SLC25A46: variants seen among roughly 807,000 people sequenced by gnomAD.
The protein encoded by SLC25A46 is mitochondrial outer membrane protein SLC25A46.
A neutral mutation model predicts 44.6 loss-of-function variants in SLC25A46; 39 were observed. The ratio of observed to expected loss-of-function variants is 0.87; its 90% CI spans 0.68 to 1.14. The LOEUF (loss-of-function observed/expected upper bound fraction) is 1.14. SLC25A46 is among the 50% of genes most tolerant of loss of function. The probability of loss-of-function intolerance (pLI) is 0.00; values close to 1 mark genes in which losing one functional copy is unlikely to be tolerated. For missense variants in SLC25A46, 547 were observed against 522.7 expected (o/e 1.05, Z -0.45); for synonymous variants, 202 against 185.8 (o/e 1.09, Z -0.71).
intron 4 of SLC25A46, among the ~76,000 whole-genome samples, chr5:110,746,588 C>A (rs550560011): frequency 1.3e-5 from 2 of 152,208 alleles, no homozygotes; most frequent in South Asian, 4.1e-4. Context: ...TATCAAGAGG[C>A]TCATATTTAT....
chr5:110,739,108 G>T lies in SLC25A46; in HGVS notation c.-12G>T. On this transcript the variant is annotated 5_prime_UTR_variant, in exon 1 of 8. Coordinates refer to ENST00000355943, the MANE Select transcript of SLC25A46 (RefSeq NM_138773.4). ...GCTCCGGGCGGGCTCGCGTCATCCT[G>T]CCCCCGCTGCGATGCATCCGCGGCG... 6.5e-7 allele frequency: 1 copy of T among 1,544,762 alleles called. No individual in the cohort carries two copies.
At chr5:110,757,510 G>A (rs562697158) in intron 7 of SLC25A46, among the ~76,000 whole-genome samples, 4 of 151,868 alleles carry the variant, frequency 2.6e-5, no homozygotes, top group African/African-American at 7.3e-5. Context: ...GTAAAAACTC[G>A]CACTGGATCA....
chr5:110,745,225 C>A lies in SLC25A46; in HGVS notation c.385-1044C>A, dbSNP rs564925729. Among the ~76,000 whole-genome samples the A allele has an allele frequency of 3.9e-5, 6 of 152,150 alleles. No individual in the cohort carries two copies. In the South Asian group the frequency reaches 1.2e-3, roughly 32 times the overall value. ...ATGGGGCCCTCAGGAGTCAGTGGAC[C>A]CCACTTGCAAACTCTGTTATAACCC... On this transcript the variant is annotated intron_variant, in intron 3 of 7. Coordinates refer to ENST00000355943, the MANE Select transcript of SLC25A46 (RefSeq NM_138773.4).
At chr5:110,755,262 G>T in intron 5 of SLC25A46, 1 of 397,828 alleles carries the variant, frequency 2.5e-6, no homozygotes. Context: ...CAGCACGTAT[G>T]AAAACACCTT....
chr5:110,753,473 C>G (rs1410429552), intron 5 of SLC25A46: 3 of 151,588 alleles, frequency 2.0e-5, no homozygotes, highest in Non-Finnish European at 4.4e-5. Flanking sequence ...AAGCAAGGTA[C>G]TCGAATAAAT....
At chr5:110,741,270 A>G (rs1218033175) in intron 1 of SLC25A46, among the ~76,000 whole-genome samples, 1 of 152,262 alleles carries the variant, frequency 6.6e-6, no homozygotes, top group African/African-American at 2.4e-5. Context: ...ACATATGCAT[A>G]GGAATGTTCC....
At position 110,739,343 on chromosome 5, in the gene SLC25A46, G is replaced by A. The variant is rs1022875973; in HGVS notation, c.224G>A (p.Gly75Asp). 1 of 1,563,402 alleles carries A rather than the reference G, an allele frequency of 6.4e-7. No individual in the cohort carries two copies. Among genetic ancestry groups the A allele is most frequent in the Non-Finnish European group, 8.7e-7 (1 of 1,155,256 alleles). The change falls in exon 1 of 8, where the codon GGC (glycine) becomes GAC (aspartate). Residue 75 changes from glycine (G) to aspartate (D), a missense_variant. Transcript: ENST00000355943. ...CCCACCACCTCCACCCCGTACGAAG[G>A]CCCCACGGAGGAACCCTTTTCCAGT... ...GVPTTSTPYE[G>D]PTEEPFSSGG...
intron 1 of SLC25A46, chr5:110,741,783 C>G (rs1799696526): frequency 3.2e-6 from 1 of 310,504 alleles, no homozygotes; most frequent in Non-Finnish European, 5.9e-6. Flanking sequence ...TGGGCCCACA[C>G]TCTAATGTGG....
At chr5:110,738,471 C>A (rs1298283472), upstream of SLC25A46, among the ~76,000 whole-genome samples, 1 of 152,114 alleles carries the variant, frequency 6.6e-6, no homozygotes, top group Non-Finnish European at 1.5e-5. Context: ...CCCCGACGTG[C>A]ACTTCAACTT....
chr5:110,756,671 T>C, intron 6 of SLC25A46, 31 bp from the exon 7 acceptor site: 1 of 1,473,852 alleles, frequency 6.8e-7, no homozygotes, highest in Non-Finnish European at 9.2e-7. Context: ...CTTGTTTCAG[T>C]ATACTGATAA....
chr5:110,743,694 T>G (rs768998451), intron 2 of SLC25A46, 36 bp from the exon 3 acceptor site: 1 of 1,266,572 alleles, frequency 7.9e-7, no homozygotes, highest in East Asian at 2.6e-5. Flanking sequence ...TTTATCTCTA[T>G]GTAGACATAC....
chr5:110,739,037 C>T lies in SLC25A46; in HGVS notation c.-83C>T, dbSNP rs373730487. The T allele has an allele frequency of 8.1e-6, 12 of 1,478,888 alleles. No homozygotes were observed. The African/African-American group carries it at 8.7e-5, about 11-fold the overall frequency. 91.6% of individuals were successfully genotyped at this position (1,478,888 alleles called of 1,614,324 possible). On this transcript the variant is annotated 5_prime_UTR_variant, in exon 1 of 8. The change creates a new upstream start codon in the 5' untranslated region. Coordinates refer to ENST00000355943, the MANE Select transcript of SLC25A46 (RefSeq NM_138773.4). ...TTACCCCTGACGCGGCGGCGGCCGACGGGAAGCTGTGTGTGCTTAGGTCGT... is the reference window on the plus strand; with the variant it reads ...TTACCCCTGACGCGGCGGCGGCCGATGGGAAGCTGTGTGTGCTTAGGTCGT...
chr5:110,753,365 A>T (rs1472567569), intron 5 of SLC25A46: 1 of 150,370 alleles, frequency 6.7e-6, no homozygotes, highest in East Asian at 2.0e-4. Context: ...GACTGCTGAG[A>T]CAGAGTTATT....
chr5:110,747,298 T>C (rs1204125299), intron 4 of SLC25A46, among the ~76,000 whole-genome samples: 1 of 152,186 alleles, frequency 6.6e-6, no homozygotes, highest in Non-Finnish European at 1.5e-5. Context: ...GGTAGCTCTG[T>C]GTATACTAAT....
chr5:110,747,751 T>C (rs558628127), intron 4 of SLC25A46, among the ~76,000 whole-genome samples: 1 of 152,190 alleles, frequency 6.6e-6, no homozygotes, highest in South Asian at 2.1e-4. Flanking sequence ...TTTCTAGATA[T>C]ATTGTTTGGA....
intron 4 of SLC25A46, 62 bp downstream of exon 4, chr5:110,746,408 A>G: frequency 8.8e-7 from 1 of 1,131,304 alleles, no homozygotes; most frequent in Non-Finnish European, 1.3e-6. Flanking sequence ...TTTAGTAATC[A>G]TTAAAGCAAG....
chr5:110,745,561 C>T (rs1212600043), intron 3 of SLC25A46: 1 of 152,100 alleles, frequency 6.6e-6, no homozygotes, highest in Non-Finnish European at 1.5e-5. Context: ...CCTGTTATAA[C>T]CCACTTTCTC....
At chr5:110,742,009 TA>T in intron 1 of SLC25A46, 37 bp from the exon 2 acceptor site, 1 of 1,375,348 alleles carries the variant, frequency 7.3e-7, no homozygotes. Context: ...TGGTTATCAG[TA>T]ATCTTATTTT....
chr5:110,746,167 T>G (rs948679488), intron 3 of SLC25A46, 102 bp from the exon 4 acceptor site: 1 of 940,742 alleles, frequency 1.1e-6, no homozygotes, highest in South Asian at 1.5e-5. Context: ...ACTTTGGAAT[T>G]AACTTTTGTT....
Sources: allele counts gnomAD v4.1 joint callset (sites outside exome capture counted in the v4.1 genomes callset), GRCh38; gene constraint gnomAD v4.1.1; transcripts MANE v1.5; gene names NCBI Gene and HGNC (gene_info 2026-07-23, HGNC 2026-07-21).